Variants in DRC9 observed in about 807,000 individuals in gnomAD.
The protein encoded by DRC9 is dynein regulatory complex protein 9.
the DRC9 span, among the ~76,000 whole-genome samples, chr3:197,924,104 T>C: frequency 6.6e-6 from 1 of 151,264 alleles, no homozygotes; most frequent in Non-Finnish European, 1.5e-5. Context: ...ACCTGTAATC[T>C]CAACATTTTG....
At chr3:197,950,812 G>C in the DRC9 span, 1 of 787,194 alleles carries the variant, frequency 1.3e-6, no homozygotes, top group African/African-American at 1.7e-5. Flanking sequence ...TGGCATTGTT[G>C]TCCCCGAACT....
At chr3:197,917,152 C>T in the DRC9 span, among the ~76,000 whole-genome samples, 4 of 152,094 alleles carry the variant, frequency 2.6e-5, no homozygotes, top group Admixed American at 1.3e-4. Flanking sequence ...CCTGTCTCTA[C>T]AAAAAAATTT....
chr3:197,944,176 A>G, the DRC9 span: 12 of 841,098 alleles, frequency 1.4e-5, no homozygotes, highest in African/African-American at 1.9e-4. Flanking sequence ...TAGAACCTAG[A>G]TGAAAAAAAA....
chr3:197,918,173 CAAT>C, the DRC9 span, among the ~76,000 whole-genome samples: 1 of 150,834 alleles, frequency 6.6e-6, no homozygotes, highest in Non-Finnish European at 1.5e-5. Flanking sequence ...TGGCTCACTG[CAAT>C]CTCCGCCTCC....
At chr3:197,902,036 ACT>A in the DRC9 span, among the ~76,000 whole-genome samples, 1 of 151,940 alleles carries the variant, frequency 6.6e-6, no homozygotes, top group South Asian at 2.1e-4. Flanking sequence ...AGAGTTAGAG[ACT>A]CTGGGAGAAA....
the DRC9 span, chr3:197,950,336 C>T: frequency 9.8e-6 from 12 of 1,225,624 alleles, no homozygotes; most frequent in Non-Finnish European, 1.2e-5. Flanking sequence ...TTGATTTCTA[C>T]GGGTTTCAAG....
At chr3:197,915,016 T>C in the DRC9 span, among the ~76,000 whole-genome samples, 1 of 150,664 alleles carries the variant, frequency 6.6e-6, no homozygotes, top group South Asian at 2.1e-4. Context: ...ATACGAAAAA[T>C]AGCTGGGAGT....
At chr3:197,931,204 G>A in the DRC9 span, among the ~76,000 whole-genome samples, 2 of 151,874 alleles carry the variant, frequency 1.3e-5, no homozygotes, top group South Asian at 2.1e-4. Context: ...GTTCCAGGCC[G>A]AGCGCGGTGG....
At chr3:197,917,086 C>G in the DRC9 span, among the ~76,000 whole-genome samples, 26 of 152,294 alleles carry the variant, frequency 1.7e-4, no homozygotes, top group African/African-American at 5.8e-4. Context: ...GAAACCAAGG[C>G]AGGAGGCTCG....
the DRC9 span, among the ~76,000 whole-genome samples, chr3:197,934,477 G>A: frequency 6.9e-3 from 1,057 of 152,124 alleles, 7 homozygotes; most frequent in Non-Finnish European, 0.012. Flanking sequence ...GAGCCACGGC[G>A]CCCGGCCAAA....
the DRC9 span, chr3:197,954,479 G>A: frequency 3.1e-4 from 118 of 378,728 alleles, no homozygotes; most frequent in Non-Finnish European, 7.5e-5. Flanking sequence ...GACCATAGGC[G>A]TGTGCCACCA....
At chr3:197,956,258 C>G in the DRC9 span, 1 of 179,458 alleles carries the variant, frequency 5.6e-6, no homozygotes, top group African/African-American at 2.4e-5. Flanking sequence ...CTGCCAAGTG[C>G]TTTGTGATAC....
chr3:197,915,942 C>G, the DRC9 span, among the ~76,000 whole-genome samples: 1 of 151,900 alleles, frequency 6.6e-6, no homozygotes, highest in Non-Finnish European at 1.5e-5. Context: ...AATTGCCTTT[C>G]GTCTTAACCA....
chr3:197,932,032 G>A, the DRC9 span: 1 of 789,752 alleles, frequency 1.3e-6, no homozygotes, highest in Non-Finnish European at 2.0e-6. Context: ...AGCAGAACTA[G>A]GAAGAAAACC....
the DRC9 span, among the ~76,000 whole-genome samples, chr3:197,921,809 C>T: frequency 1.4e-5 from 2 of 145,090 alleles, no homozygotes; most frequent in African/African-American, 2.8e-5. Flanking sequence ...TACTGGTTTT[C>T]AGTAACTCTG....
At chr3:197,920,151 G>A in the DRC9 span, among the ~76,000 whole-genome samples, 1 of 152,092 alleles carries the variant, frequency 6.6e-6, no homozygotes, top group African/African-American at 2.4e-5. Flanking sequence ...AGAGGTTGTA[G>A]TGAGCTGAGA....
the DRC9 span, among the ~76,000 whole-genome samples, chr3:197,909,885 C>T: frequency 6.6e-6 from 1 of 151,970 alleles, no homozygotes. Context: ...CCCAGCTACT[C>T]GGGAGGCTGG....
chr3:197,952,855 C>G, the DRC9 span, among the ~76,000 whole-genome samples: 2 of 149,784 alleles, frequency 1.3e-5, no homozygotes, highest in Non-Finnish European at 3.0e-5. Context: ...TTTTTTGAGA[C>G]AAAGTGTTGC....
the DRC9 span, chr3:197,894,593 C>T: frequency 1.3e-5 from 2 of 152,240 alleles, no homozygotes; most frequent in Admixed American, 1.3e-4. Flanking sequence ...CACACAGATT[C>T]GTGAAGCATT....
Sources: allele counts gnomAD v4.1 joint callset (sites outside exome capture counted in the v4.1 genomes callset), GRCh38; gene constraint gnomAD v4.1.1; transcripts MANE v1.5; gene names NCBI Gene and HGNC (gene_info 2026-07-23, HGNC 2026-07-21).